TAF1B: variants seen among roughly 807,000 people sequenced by gnomAD.
The protein encoded by TAF1B is TATA box-binding protein-associated factor RNA polymerase I subunit B.
In TAF1B, 61 loss-of-function variants were observed where a neutral mutation model predicts 83.9. That is an observed-to-expected ratio of 0.73 (90% CI 0.59 to 0.90). The LOEUF is 0.90. TAF1B is among the 40% of genes least tolerant of loss of function. The pLI is 0.00. For missense variants in TAF1B, 625 were observed against 677.0 expected (o/e 0.92, Z 0.85); for synonymous variants, 221 against 224.6 (o/e 0.98, Z 0.14).
At chr2:9,927,649 G>A (rs1666083339) in intron 14 of TAF1B, among the ~76,000 whole-genome samples, 1 of 152,122 alleles carries the variant, frequency 6.6e-6, no homozygotes, top group Non-Finnish European at 1.5e-5. Context: ...TCATGTGTCT[G>A]TTGGCTGCAT....
chr2:9,903,155 G>A (rs954487299), intron 8 of TAF1B, among the ~76,000 whole-genome samples: 2 of 151,994 alleles, frequency 1.3e-5, no homozygotes, highest in Middle Eastern at 3.2e-3. Context: ...GCGCAGTCTC[G>A]GCTCACTGTA....
intron 1 of TAF1B, 164 bp downstream of exon 1, chr2:9,843,723 C>CCGCATG: frequency 1.4e-6 from 1 of 710,086 alleles, no homozygotes; most frequent in Middle Eastern, 4.2e-4. Context: ...GGCTGGCCGG[C>CCGCATG]CGCATGCGCG....
rs759824717 is a variant in TAF1B, at chr2:9,905,028, T to G, written c.955+22T>G. On this transcript the variant is annotated intron_variant, in intron 9 of 14. Coordinates refer to ENST00000263663, the MANE Select transcript of TAF1B (RefSeq NM_005680.3). Reference sequence around the variant, plus strand: ...CCTGGTAAGTGTGTGACATATATTGTGGGGACACTTTAACTAGTAGAGTAA... The same window carrying G: ...CCTGGTAAGTGTGTGACATATATTGGGGGGACACTTTAACTAGTAGAGTAA... The G allele has an allele frequency of 6.9e-6, 11 of 1,596,290 alleles. No homozygotes were observed. In the East Asian group the frequency reaches 2.5e-4, roughly 36 times the overall value.
intron 4 of TAF1B, chr2:9,851,875 T>G (rs1483244651): frequency 6.3e-6 from 4 of 637,140 alleles, no homozygotes; most frequent in East Asian, 3.3e-5. Context: ...CTTCAGATAC[T>G]TAGGAAACAA....
Position 9,911,707 on chromosome 2 carries a change from A to G in TAF1B, c.1180+150A>G, listed in dbSNP as rs531270306. ...TATATTGTACCAGTATTGTTTTTTC[A>G]TATAATTACCTACTTGTATCTCTAG... On this transcript the variant is annotated intron_variant, in intron 11 of 14. Coordinates refer to ENST00000263663, the MANE Select transcript of TAF1B (RefSeq NM_005680.3). 2.1e-4 allele frequency: 100 copies of G among 484,950 alleles called. No individual in the cohort carries two copies. The Middle Eastern group carries it at 6.5e-3, about 31-fold the overall frequency. 30.0% of individuals were successfully genotyped at this position (484,950 alleles called of 1,614,324 possible). A position where few individuals can be genotyped will look rare whatever the true frequency, so the allele number is the denominator to read the frequency against.
intron 7 of TAF1B, among the ~76,000 whole-genome samples, chr2:9,880,091 G>C (rs760463757): frequency 5.3e-5 from 8 of 152,144 alleles, no homozygotes; most frequent in Non-Finnish European, 1.2e-4. Context: ...ATGGTGGCTT[G>C]GATTATGGCA....
chr2:9,871,796 T>TAA (rs1262688920), intron 6 of TAF1B, among the ~76,000 whole-genome samples: 1 of 152,114 alleles, frequency 6.6e-6, no homozygotes, highest in Non-Finnish European at 1.5e-5. Context: ...GGCGGGTTTG[T>TAA]AATCTTGGCT....
chr2:9,883,149 CTA>C (rs1027079326), intron 8 of TAF1B, among the ~76,000 whole-genome samples: 2 of 152,132 alleles, frequency 1.3e-5, no homozygotes, highest in Non-Finnish European at 2.9e-5. Context: ...TATTTGCACA[CTA>C]TATTGCTATG....
In TAF1B at chr2:9,907,777, G is replaced by A. The variant is rs143864576; in HGVS notation, c.955+2771G>A. 7.2e-4 allele frequency among the ~76,000 whole-genome samples: 109 copies of A among 152,104 alleles called. 4 individuals carry two copies. Among genetic ancestry groups the A allele is most frequent in the African/African-American group, 2.5e-3 (104 of 41,470 alleles). On this transcript the variant is annotated intron_variant, in intron 9 of 14. Coordinates refer to ENST00000263663, the MANE Select transcript of TAF1B (RefSeq NM_005680.3). The stretch of plus-strand genomic sequence containing the variant: ...TATATAAATTCTCTTCTTTGTGAAG[G>A]TGGGAAGGGAGGGCAAGCAGGCTTC...
chr2:9,919,162 A>C, intron 13 of TAF1B, 51 bp downstream of exon 13: 1 of 1,464,746 alleles, frequency 6.8e-7, no homozygotes, highest in South Asian at 1.2e-5. Context: ...AGTTGTAGAA[A>C]AATTAAATAT....
At chr2:9,881,412 C>T (rs988024774) in intron 7 of TAF1B, among the ~76,000 whole-genome samples, 4 of 152,044 alleles carry the variant, frequency 2.6e-5, no homozygotes, top group Admixed American at 2.6e-4. Flanking sequence ...CCCAGCTCTT[C>T]AAGGCAATGC....
At chr2:9,880,328 C>G (rs13384960) in intron 7 of TAF1B, among the ~76,000 whole-genome samples, 1 of 149,932 alleles carries the variant, frequency 6.7e-6, no homozygotes, top group Non-Finnish European at 1.5e-5. Context: ...TGCTTTTAGT[C>G]TACACCAGTT....
rs1664064434 is a variant in TAF1B, at chr2:9,868,411, A to C, written c.535A>C (p.Ser179Arg). 6.2e-7 allele frequency: 1 copy of C among 1,612,652 alleles called. No homozygotes were observed. The highest frequency in any genetic ancestry group is 8.5e-7 in the Non-Finnish European group (1 of 1,179,130). Residue 179 changes from serine (S) to arginine (R), a missense_variant, in exon 6 of 15, where the codon AGC becomes CGC. Ser to Arg is a moderately radical substitution (Grantham distance 110). Transcript: ENST00000263663. ...DIHTRKPFPV[S>R]KASQSETSVC... is the part of the protein sequence containing the mutation. Reference sequence around the variant, plus strand: ...CCACACTCGAAAACCTTTCCCCGTCAGCAAAGCATCACAATCAGGTAAAAA... The same window carrying C: ...CCACACTCGAAAACCTTTCCCCGTCCGCAAAGCATCACAATCAGGTAAAAA...
chr2:9,852,947 G>A (rs1663445700), intron 4 of TAF1B, among the ~76,000 whole-genome samples: 1 of 152,216 alleles, frequency 6.6e-6, no homozygotes, highest in African/African-American at 2.4e-5. Flanking sequence ...TGGCCTAAAT[G>A]GATGCTGGGC....
intron 14 of TAF1B, 61 bp downstream of exon 14, chr2:9,919,881 A>G (rs1665818079): frequency 6.7e-7 from 1 of 1,491,932 alleles, no homozygotes; most frequent in Non-Finnish European, 9.1e-7. Context: ...TAAGAGCCAG[A>G]TAGGTTTTTT....
At chr2:9,925,725 C>T (rs985594796) in intron 14 of TAF1B, among the ~76,000 whole-genome samples, 9 of 151,856 alleles carry the variant, frequency 5.9e-5, no homozygotes, top group African/African-American at 1.7e-4. Context: ...TACAGACATG[C>T]GCTACCACCC....
At position 9,888,777 on chromosome 2, in the gene TAF1B, T is replaced by G. The variant is rs1377989960; in HGVS notation, c.807+5972T>G. ...GTGCCTTGTCACAGTTTTCTTTATG[T>G]TTCTTCTGCTTGGTTTTTTTTTTTT... On this transcript the variant is annotated intron_variant, in intron 8 of 14. Coordinates refer to ENST00000263663, the MANE Select transcript of TAF1B (RefSeq NM_005680.3). Among the ~76,000 whole-genome samples, 3 of 147,690 alleles carry G rather than the reference T, an allele frequency of 2.0e-5. 1 individual carries two copies. The highest frequency in any genetic ancestry group is 1.4e-4 in the Admixed American group (2 of 14,582).
chr2:9,863,105 TTAAATGTAAATGGGC>T, intron 5 of TAF1B, among the ~76,000 whole-genome samples: 1 of 152,124 alleles, frequency 6.6e-6, no homozygotes, highest in Non-Finnish European at 1.5e-5. Flanking sequence ...AATATTAACC[TTAAATGTAAATGGGC>T]TAAATGCTCC....
intron 6 of TAF1B, among the ~76,000 whole-genome samples, chr2:9,873,045 A>T (rs1335672518): frequency 6.6e-6 from 1 of 152,240 alleles, no homozygotes; most frequent in Admixed American, 6.5e-5. Context: ...TATTATAAAC[A>T]GTGCTGCCAC....
Sources: gnomAD v4.1 joint callset for allele counts (sites outside exome capture counted in the v4.1 genomes callset) on GRCh38, gnomAD v4.1.1 for gene constraint, MANE v1.5 for transcripts, NCBI Gene and HGNC (gene_info 2026-07-23, HGNC 2026-07-21) for gene names.